Variants in GALNT14 observed in about 807,000 individuals in gnomAD.
GALNT14 encodes the protein UDP-GalNAc:polypeptide N-acetylgalactosaminyltransferase 14.
Under a neutral mutation model 77.5 loss-of-function variants are expected in GALNT14, and 60 were observed. That is an observed-to-expected ratio of 0.77 (90% CI 0.63 to 0.96). The LOEUF (loss-of-function observed/expected upper bound fraction) is 0.96, where lower values mean the gene tolerates loss of function less well. Among genes scored for constraint, GALNT14 ranks in the 40% least tolerant of loss-of-function variants. GALNT14 has a pLI of 0.00. For synonymous variants in GALNT14, 280 were observed against 281.7 expected, an observed-to-expected ratio of 0.99 and a Z score of 0.06; for missense variants, 710 against 731.0, an observed-to-expected ratio of 0.97 and a Z score of 0.33.
intron 1 of GALNT14, among the ~76,000 whole-genome samples, chr2:30,993,833 C>T (rs937696087): frequency 6.6e-6 from 1 of 152,208 alleles, no homozygotes; most frequent in Admixed American, 6.5e-5. Context: ...AGAGCTCAGT[C>T]TCTGTGGCCC....
At chr2:31,125,464 T>G (rs1008923612) in intron 1 of GALNT14, among the ~76,000 whole-genome samples, 25 of 70,682 alleles carry the variant, frequency 3.5e-4, no homozygotes, top group Non-Finnish European at 6.1e-4. Context: ...CATATCAGCT[T>G]TCTCACCCCC....
At chr2:30,942,160 T>G (rs773023409) in intron 9 of GALNT14, 41 bp downstream of exon 9, 12 of 1,440,442 alleles carry the variant, frequency 8.3e-6, no homozygotes, top group Non-Finnish European at 1.2e-5. Flanking sequence ...CCCCAGGGTG[T>G]ATAGAACAGC....
intron 13 of GALNT14, among the ~76,000 whole-genome samples, chr2:30,913,233 C>T (rs1010630564): frequency 2.0e-5 from 3 of 152,000 alleles, no homozygotes; most frequent in Non-Finnish European, 4.4e-5. Context: ...TAATATTTAC[C>T]CTTTGCCTCC....
Position 30,932,175 on chromosome 2 carries a change from C to G in GALNT14, c.951G>C (p.Trp317Cys). ...CGATCTCTAGGCTGCCCCCGCACATCCACACTCGGAAGGAGATTTCTGCAA... is the reference window on the plus strand; with the variant it reads ...CGATCTCTAGGCTGCCCCCGCACATGCACACTCGGAAGGAGATTTCTGCAA... Reference protein sequence around the residue: ...GENFEISFRVWMCGGSLEIVP... With the variant: ...GENFEISFRVCMCGGSLEIVP... Residue 317 changes from tryptophan (W) to cysteine (C), a missense_variant, in exon 10 of 15, where the codon TGG becomes TGC. Trp to Cys is a radical substitution (Grantham distance 215). Transcript: ENST00000349752. 6.5e-7 allele frequency: 1 copy of G among 1,533,230 alleles called. No homozygotes were observed. Among genetic ancestry groups the G allele is most frequent in the Non-Finnish European group, 8.8e-7 (1 of 1,139,688 alleles). 95.0% of individuals were successfully genotyped at this position (1,533,230 alleles called of 1,614,324 possible). A position where few individuals can be genotyped will look rare whatever the true frequency, so the allele number is the denominator to read the frequency against.
At chr2:30,923,166 G>A (rs1470520491) in intron 13 of GALNT14, among the ~76,000 whole-genome samples, 5 of 149,348 alleles carry the variant, frequency 3.3e-5, no homozygotes, top group East Asian at 2.0e-4. Flanking sequence ...GGGTTCAAGC[G>A]ATTCTCCTGC....
chr2:31,084,884 G>C (rs564638921), intron 1 of GALNT14, among the ~76,000 whole-genome samples: 20 of 152,228 alleles, frequency 1.3e-4, no homozygotes, highest in African/African-American at 4.8e-4. Flanking sequence ...AATTAACCAG[G>C]CATGGTGGCA....
At position 30,924,123 on chromosome 2, in the gene GALNT14, G is replaced by C; in HGVS notation, c.1376C>G (p.Ser459Cys). ...CAKVKGEDAKSQVWAFTYTQQ... is the reference protein window; with the variant it reads ...CAKVKGEDAKCQVWAFTYTQQ... Reference sequence around the variant, plus strand: ...ATGCCCAGCCAGTTACTTTACCTGGGACTTTGCATCTTCGCCTTTGACCTT... The same window carrying C: ...ATGCCCAGCCAGTTACTTTACCTGGCACTTTGCATCTTCGCCTTTGACCTT... Residue 459 changes from serine (S) to cysteine (C), a missense_variant, in exon 13 of 15, where the codon TCC becomes TGC. Physicochemically the swap from Ser to Cys is moderately radical, Grantham distance 112 (BLOSUM62 -1). Transcript: ENST00000349752. The C allele has an allele frequency of 6.2e-7, 1 of 1,614,214 alleles. No individual in the cohort carries two copies. Among genetic ancestry groups the C allele is most frequent in the Non-Finnish European group, 8.5e-7 (1 of 1,180,044 alleles).
Position 30,924,734 on chromosome 2 carries a change from G to A in GALNT14, c.1235+6C>T, listed in dbSNP as rs369181752. 3.2e-5 allele frequency: 51 copies of A among 1,612,180 alleles called. No individual in the cohort carries two copies. Among genetic ancestry groups the A allele is most frequent in the Middle Eastern group, 1.6e-4 (1 of 6,072 alleles). On this transcript the variant is annotated splice_donor_region_variant and intron_variant, in intron 12 of 14. Coordinates refer to ENST00000349752, the MANE Select transcript of GALNT14 (RefSeq NM_024572.4). ...CAGCCAAAGCTCCAACAGGTAGGAC[G>A]GATACCTGAGTTCAGGGTAGATATT...
intron 9 of GALNT14, among the ~76,000 whole-genome samples, chr2:30,938,715 T>C (rs541998925): frequency 1.3e-5 from 2 of 152,326 alleles, no homozygotes; most frequent in African/African-American, 4.8e-5. Context: ...AATCCATCAG[T>C]GGCTGCTTCT....
In GALNT14 at chr2:31,114,816, C is replaced by A. The variant is rs1416257888; in HGVS notation, c.129+23142G>T. ...AAGAGACATGGGAAATGACATACAG[C>A]AAGGTGTCCTCCTAAGTCCCAAAGA... On this transcript the variant is annotated intron_variant, in intron 1 of 14. Coordinates refer to ENST00000349752, the MANE Select transcript of GALNT14 (RefSeq NM_024572.4). 5 of 717,494 alleles carry A rather than the reference C, an allele frequency of 7.0e-6. No homozygotes were observed. In the South Asian group the frequency reaches 7.4e-5, roughly 11 times the overall value. The allele number at this position is 717,494 out of a possible 1,614,324, so 44.4% of individuals were successfully genotyped here.
intron 2 of GALNT14, among the ~76,000 whole-genome samples, chr2:30,981,336 T>C (rs1668976398): frequency 6.6e-6 from 1 of 152,198 alleles, no homozygotes; most frequent in African/African-American, 2.4e-5. Context: ...GACTGAAAAA[T>C]GTGGGCAGGT....
At chr2:31,029,633 G>A (rs1020860423) in intron 1 of GALNT14, among the ~76,000 whole-genome samples, 6 of 152,010 alleles carry the variant, frequency 3.9e-5, no homozygotes, top group Non-Finnish European at 5.9e-5. Flanking sequence ...CCCCTTCCCC[G>A]GTCTAGGACA....
At chr2:31,033,228 T>C (rs1196743003) in intron 1 of GALNT14, among the ~76,000 whole-genome samples, 1 of 152,116 alleles carries the variant, frequency 6.6e-6, no homozygotes, top group Non-Finnish European at 1.5e-5. Flanking sequence ...GGCTCCCACC[T>C]ATCTGTCACG....
At chr2:31,109,662 A>T (rs147196071) in intron 1 of GALNT14, among the ~76,000 whole-genome samples, 52 of 152,354 alleles carry the variant, frequency 3.4e-4, no homozygotes, top group Non-Finnish European at 7.3e-4. Context: ...AATGGACGCG[A>T]TGTGGTACAA....
intron 13 of GALNT14, among the ~76,000 whole-genome samples, chr2:30,916,522 AGGAGG>A: frequency 6.6e-6 from 1 of 152,264 alleles, no homozygotes; most frequent in South Asian, 2.1e-4. Context: ...GGGGCTGAGG[AGGAGG>A]GGAGTCACCA....
chr2:30,964,206 G>A (rs1431016088), intron 3 of GALNT14, among the ~76,000 whole-genome samples: 2 of 152,172 alleles, frequency 1.3e-5, no homozygotes, highest in African/African-American at 2.4e-5. Flanking sequence ...ACATCTGGCA[G>A]GCATGCCCAG....
chr2:31,034,856 T>C (rs561005140), intron 1 of GALNT14, among the ~76,000 whole-genome samples: 24 of 152,366 alleles, frequency 1.6e-4, no homozygotes, highest in Admixed American at 7.2e-4. Flanking sequence ...TTTAACCTAT[T>C]AGTTATTTAG....
intron 1 of GALNT14, among the ~76,000 whole-genome samples, chr2:31,020,811 C>G (rs764576035): frequency 1.4e-4 from 21 of 152,324 alleles, no homozygotes; most frequent in Non-Finnish European, 2.8e-4. Flanking sequence ...GATCCTCTCT[C>G]TTGGTGAGCC....
In GALNT14 at chr2:31,038,065, CAT is replaced by C. The variant is rs1363490802; in HGVS notation, c.130-45060_130-45059del. 7.7e-3 allele frequency among the ~76,000 whole-genome samples: 523 copies of C among 68,174 alleles called. 14 individuals are homozygous for C. The highest frequency in any genetic ancestry group is 0.01 in the African/African-American group (133 of 13,128). The allele number at this position is 68,174 out of a possible 152,430, so 44.7% of individuals were successfully genotyped here. On this transcript the variant is annotated intron_variant, in intron 1 of 14. Coordinates refer to ENST00000349752, the MANE Select transcript of GALNT14 (RefSeq NM_024572.4). ...TTATTTTGGTTAGTCCCTTATTTGC[CAT>C]ATATATATATATATATATTTTTTTT...
Sources: allele counts gnomAD v4.1 joint callset (sites outside exome capture counted in the v4.1 genomes callset), GRCh38; gene constraint gnomAD v4.1.1; transcripts MANE v1.5; gene names NCBI Gene and HGNC (gene_info 2026-07-23, HGNC 2026-07-21).